Variants in ERBB4 observed in about 807,000 individuals in gnomAD.
ERBB4 encodes the protein receptor tyrosine-protein kinase erbB-4.
In ERBB4, 42 loss-of-function variants were observed where a neutral mutation model predicts 158.0. The ratio of observed to expected loss-of-function variants is 0.27; its 90% CI spans 0.21 to 0.34. ERBB4 has a LOEUF of 0.34. ERBB4 is among the 10% of genes least tolerant of loss of function. ERBB4 has a pLI of 1.00. For synonymous variants in ERBB4, 583 were observed against 558.7 expected (o/e 1.04, Z -0.61); for missense variants, 1,333 against 1,624.1 (o/e 0.82, Z 3.08).
At chr2:211,479,259 A>T (rs1244165001) in intron 20 of ERBB4, among the ~76,000 whole-genome samples, 1 of 152,166 alleles carries the variant, frequency 6.6e-6, no homozygotes, top group Non-Finnish European at 1.5e-5. Context: ...GCTCAAGCTA[A>T]ATAGCTCCCC....
chr2:212,453,931 C>T (rs895670403), intron 1 of ERBB4, among the ~76,000 whole-genome samples: 2 of 145,010 alleles, frequency 1.4e-5, no homozygotes, highest in African/African-American at 5.2e-5. Context: ...AGAAACAATA[C>T]TATATTCCTT....
rs368916862 is a variant in ERBB4, at chr2:212,338,261, C to T, written c.82+200188G>A. Among the ~76,000 whole-genome samples the T allele has an allele frequency of 5.8e-4, 88 of 152,200 alleles. No individual in the cohort carries two copies. In the Middle Eastern group the frequency reaches 0.017, roughly 29 times the overall value. ...ATTCTATTTTCTAGCAGACATGATA[C>T]TCTTAGTGTCTGGCGGTGAAAATGA... On this transcript the variant is annotated intron_variant, in intron 1 of 27. Transcript: ENST00000342788.
chr2:211,555,784 G>A (rs183811045), intron 20 of ERBB4, among the ~76,000 whole-genome samples: 52 of 152,288 alleles, frequency 3.4e-4, no homozygotes, highest in African/African-American at 1.2e-3. Context: ...GAAGTAATTT[G>A]TAACCATCAG....
At chr2:211,562,858 G>A (rs1009554594) in intron 19 of ERBB4, among the ~76,000 whole-genome samples, 15 of 141,888 alleles carry the variant, frequency 1.1e-4, no homozygotes, top group Non-Finnish European at 2.3e-4. Context: ...TGCAAGCTCC[G>A]CCTCCCGGGT....
At chr2:211,919,917 T>C (rs1177660817) in intron 3 of ERBB4, among the ~76,000 whole-genome samples, 1 of 152,032 alleles carries the variant, frequency 6.6e-6, no homozygotes, top group African/African-American at 2.4e-5. Flanking sequence ...AATCTTCCTA[T>C]AAAATACACA....
At chr2:211,423,354 A>G (rs1017663069) in intron 23 of ERBB4, among the ~76,000 whole-genome samples, 1 of 151,980 alleles carries the variant, frequency 6.6e-6, no homozygotes, top group Non-Finnish European at 1.5e-5. Context: ...TCTTATTAAT[A>G]AGATGCTTAT....
intron 2 of ERBB4, among the ~76,000 whole-genome samples, chr2:212,053,397 C>A (rs1283622577): frequency 6.6e-6 from 1 of 152,100 alleles, no homozygotes. Context: ...TGGACACATC[C>A]TAAAAATCCC....
Position 211,383,702 on chromosome 2 carries a change from C to T in ERBB4, c.3840G>A (p.Glu1280=), listed in dbSNP as rs878950598. 1 of 1,614,088 alleles carries T rather than the reference C, an allele frequency of 6.2e-7. No homozygotes were observed. Among genetic ancestry groups the T allele is most frequent in the Non-Finnish European group, 8.5e-7 (1 of 1,179,992 alleles). Residue 1280 remains glutamate (E), a synonymous_variant, in exon 28 of 28, where the codon GAG becomes GAA. Transcript: ENST00000342788. ...QNGRIRPIVA[E]NPEYLSEFSL... ...AGAACTCAGAGAGGTATTCAGGATT[C>T]TCTGCCACAATAGGCCGGATCCGCC...
chr2:211,983,760 G>A (rs2081866462), intron 2 of ERBB4, among the ~76,000 whole-genome samples: 1 of 152,060 alleles, frequency 6.6e-6, no homozygotes, highest in Non-Finnish European at 1.5e-5. Flanking sequence ...TCAACTAACA[G>A]CTTCATTGAC....
At chr2:211,867,413 ACAT>A (rs1351486352) in intron 3 of ERBB4, among the ~76,000 whole-genome samples, 1 of 152,234 alleles carries the variant, frequency 6.6e-6, no homozygotes, top group African/African-American at 2.4e-5. Flanking sequence ...GTAAACACAC[ACAT>A]CATCCCAGAT....
intron 20 of ERBB4, among the ~76,000 whole-genome samples, chr2:211,453,925 T>C (rs533745356): frequency 1.3e-5 from 2 of 152,302 alleles, no homozygotes; most frequent in African/African-American, 4.8e-5. Flanking sequence ...GTTTTAGGAA[T>C]AGTAAAAATA....
At chr2:211,811,283 G>C (rs374882414) in intron 3 of ERBB4, among the ~76,000 whole-genome samples, 11 of 152,098 alleles carry the variant, frequency 7.2e-5, no homozygotes, top group Non-Finnish European at 1.6e-4. Flanking sequence ...AGCTTAGTTT[G>C]ACTGGATATG....
At chr2:211,579,026 A>C (rs1440770769) in intron 19 of ERBB4, among the ~76,000 whole-genome samples, 1 of 152,114 alleles carries the variant, frequency 6.6e-6, no homozygotes, top group East Asian at 1.9e-4. Context: ...CCTAGAGAGT[A>C]GGAGAAAATT....
intron 1 of ERBB4, among the ~76,000 whole-genome samples, chr2:212,138,146 C>T (rs2080333072): frequency 6.6e-6 from 1 of 152,030 alleles, no homozygotes; most frequent in South Asian, 2.1e-4. Context: ...GACTTTGATT[C>T]ACTGCTACTG....
chr2:211,760,315 G>T (rs1226790886), intron 4 of ERBB4, among the ~76,000 whole-genome samples: 1 of 152,164 alleles, frequency 6.6e-6, no homozygotes, highest in East Asian at 1.9e-4. Flanking sequence ...TGTGCCAAAA[G>T]CTTCTGTACA....
chr2:212,006,032 A>C (rs932052190), intron 2 of ERBB4, among the ~76,000 whole-genome samples: 1 of 152,182 alleles, frequency 6.6e-6, no homozygotes, highest in African/African-American at 2.4e-5. Context: ...AGAAAGAACA[A>C]AATTGCCAAC....
At chr2:212,399,681 A>G (rs1251197431) in intron 1 of ERBB4, among the ~76,000 whole-genome samples, 1 of 141,980 alleles carries the variant, frequency 7.0e-6, no homozygotes, top group Non-Finnish European at 1.5e-5. Context: ...CCTGGCCAAC[A>G]TTGTGAAACC....
At chr2:211,883,002 C>T (rs2078702728) in intron 3 of ERBB4, among the ~76,000 whole-genome samples, 1 of 152,154 alleles carries the variant, frequency 6.6e-6, no homozygotes, top group South Asian at 2.1e-4. Flanking sequence ...GACACATGCA[C>T]ACGTATGTTT....
chr2:211,684,103 C>A (rs1220806737), intron 12 of ERBB4, among the ~76,000 whole-genome samples: 1 of 151,822 alleles, frequency 6.6e-6, no homozygotes, highest in Non-Finnish European at 1.5e-5. Context: ...TCTATGAAAC[C>A]ATTCCTATAA....
Sources: allele counts gnomAD v4.1 joint callset (sites outside exome capture counted in the v4.1 genomes callset), GRCh38; gene constraint gnomAD v4.1.1; transcripts MANE v1.5; gene names NCBI Gene and HGNC (gene_info 2026-07-23, HGNC 2026-07-21).